DST: variants seen among roughly 807,000 people sequenced by gnomAD.
The protein encoded by DST is dystonin.
Under a neutral mutation model 875.2 loss-of-function variants are expected in DST, and 253 were observed. The observed-to-expected ratio is 0.29, with a 90% CI of 0.26 to 0.32. The LOEUF is 0.32. DST is among the 10% of genes least tolerant of loss of function. DST has a pLI of 1.00. For missense variants in DST, 8,287 were observed against 9,111.6 expected (o/e 0.91, Z 3.68); for synonymous variants, 3,124 against 3,197.1 (o/e 0.98, Z 0.77).
In DST at chr6:56,482,817, G is replaced by T; in HGVS notation, c.21268C>A (p.Arg7090=). The T allele has an allele frequency of 1.2e-6, 2 of 1,613,248 alleles. No homozygotes were observed. The highest frequency in any genetic ancestry group is 1.7e-6 in the Non-Finnish European group (2 of 1,179,518). Residue 7090 remains arginine (R), a synonymous_variant, in exon 89 of 104, where the codon CGA becomes AGA. Coordinates refer to ENST00000680361, the MANE Select transcript of DST (RefSeq NM_001374736.1). ...SSVQALKRSA[R]ELIEGSRDDS... ...TCCCGACTGCCTTCTATGAGTTCTCGGGCTGAGCGCTTCAGGGCCTGCACA... is the reference window on the plus strand; with the variant it reads ...TCCCGACTGCCTTCTATGAGTTCTCTGGCTGAGCGCTTCAGGGCCTGCACA...
intron 3 of DST, among the ~76,000 whole-genome samples, chr6:56,896,447 T>C (rs1791334647): frequency 6.6e-6 from 1 of 152,216 alleles, no homozygotes; most frequent in Non-Finnish European, 1.5e-5. Flanking sequence ...CCCACGATTC[T>C]GAGGCCTCCC....
intron 84 of DST, 88 bp from the exon 85 acceptor site, chr6:56,492,521 T>C: frequency 7.5e-7 from 1 of 1,327,910 alleles, no homozygotes; most frequent in Non-Finnish European, 1.0e-6. Context: ...CCTGAAATTA[T>C]TTTAAAGGAC....
chr6:56,720,317 CTT>C lies in DST; in HGVS notation c.687+14909_687+14910del, dbSNP rs564251424. Reference sequence around the variant, plus strand: ...GCAGTCAGAGTTTAAGGTTATCTCTCTTATTCCCTGAACAATTGCTGTTATCC... The same window carrying C: ...GCAGTCAGAGTTTAAGGTTATCTCTCATTCCCTGAACAATTGCTGTTATCC... On this transcript the variant is annotated intron_variant, in intron 5 of 103. Coordinates refer to ENST00000680361, the MANE Select transcript of DST (RefSeq NM_001374736.1). 4.8e-3 allele frequency among the ~76,000 whole-genome samples: 724 copies of C among 149,760 alleles called. 6 individuals are homozygous for C. The highest frequency in any genetic ancestry group is 0.017 in the African/African-American group (698 of 40,604).
chr6:56,855,056 A>G (rs977386220), intron 3 of DST, among the ~76,000 whole-genome samples: 7 of 152,198 alleles, frequency 4.6e-5, no homozygotes, highest in Admixed American at 1.3e-4. Context: ...CTACGTCATA[A>G]TACTTTTTAA....
In DST at chr6:56,824,960, G is replaced by A. The variant is rs538798621; in HGVS notation, c.625+26437C>T. Among the ~76,000 whole-genome samples the A allele has an allele frequency of 2.6e-5, 4 of 152,336 alleles. No individual in the cohort carries two copies. The South Asian group carries it at 6.2e-4, about 24-fold the overall frequency. On this transcript the variant is annotated intron_variant, in intron 4 of 103. Coordinates refer to ENST00000680361, the MANE Select transcript of DST (RefSeq NM_001374736.1). The stretch of plus-strand genomic sequence containing the variant: ...CCGGCCGCCCCTACTGGGAAGTGAG[G>A]AGCCCCTCTGCCCGGCCACCACCTG...
intron 5 of DST, among the ~76,000 whole-genome samples, chr6:56,732,148 T>C (rs1422240137): frequency 6.6e-6 from 1 of 152,208 alleles, no homozygotes; most frequent in Admixed American, 6.5e-5. Context: ...ATCAGCCAGA[T>C]GAAAGTGGAG....
intron 2 of DST, among the ~76,000 whole-genome samples, chr6:56,951,265 C>A (rs1247471078): frequency 3.3e-5 from 5 of 152,166 alleles, no homozygotes; most frequent in Admixed American, 2.0e-4. Context: ...AACTCATTTT[C>A]CTCCTTTGAC....
rs774549922 is a variant in DST at position 56,506,642 on chromosome 6, A to AG, written c.19362+24_19362+25insC. The AG allele has an allele frequency of 1.6e-5, 26 of 1,612,768 alleles. No individual in the cohort carries two copies. The East Asian group carries it at 5.6e-4, about 35-fold the overall frequency. On this transcript the variant is annotated intron_variant, in intron 76 of 103. Transcript: ENST00000680361. ...GTTAACTAAAAACTTTTTAAAAGCC[A>AG]TTCTGATAAGTAAGCCAGTTGTACC...
chr6:56,579,730 A>G (rs2097931257), intron 49 of DST, among the ~76,000 whole-genome samples: 1 of 152,178 alleles, frequency 6.6e-6, no homozygotes, highest in Non-Finnish European at 1.5e-5. Flanking sequence ...CCAGTTTGAC[A>G]ATGCTTATGG....
intron 2 of DST, among the ~76,000 whole-genome samples, chr6:56,940,441 T>C (rs1815887912): frequency 6.6e-6 from 1 of 152,178 alleles, no homozygotes; most frequent in South Asian, 2.1e-4. Flanking sequence ...CAAAGTAATT[T>C]CATAATAATA....
At chr6:56,790,508 T>C (rs150353583) in intron 4 of DST, among the ~76,000 whole-genome samples, 2 of 152,350 alleles carry the variant, frequency 1.3e-5, no homozygotes, top group Admixed American at 1.3e-4. Flanking sequence ...ATCAGATTTA[T>C]GTACTTTGGA....
chr6:56,486,581 T>C (rs2095576181), intron 87 of DST, among the ~76,000 whole-genome samples: 1 of 152,022 alleles, frequency 6.6e-6, no homozygotes, highest in East Asian at 1.9e-4. Flanking sequence ...AAATATGTCT[T>C]GGGTTTTCAT....
At chr6:56,820,843 T>G (rs1322366294) in intron 4 of DST, among the ~76,000 whole-genome samples, 1 of 152,228 alleles carries the variant, frequency 6.6e-6, no homozygotes, top group African/African-American at 2.4e-5. Context: ...TTAGTTATCT[T>G]TACTTCTTCT....
intron 3 of DST, among the ~76,000 whole-genome samples, chr6:56,885,763 C>A (rs998907041): frequency 2.0e-5 from 3 of 152,130 alleles, no homozygotes; most frequent in Non-Finnish European, 4.4e-5. Context: ...CCTGCTGATG[C>A]CTTGGTCTTG....
chr6:56,460,092 C>T (rs777168312), intron 103 of DST, 39 bp downstream of exon 103: 61 of 1,574,536 alleles, frequency 3.9e-5, no homozygotes, highest in Non-Finnish European at 5.1e-5. Context: ...GATGACCATG[C>T]TGCAAAAGCC....
At chr6:56,855,331 A>ATT (rs1767335180) in intron 3 of DST, among the ~76,000 whole-genome samples, 1 of 152,220 alleles carries the variant, frequency 6.6e-6, no homozygotes, top group Non-Finnish European at 1.5e-5. Flanking sequence ...CCAAACTTCT[A>ATT]AATAAAGACC....
chr6:56,953,364 T>A (rs986694581), intron 2 of DST, among the ~76,000 whole-genome samples: 3 of 152,214 alleles, frequency 2.0e-5, no homozygotes, highest in Non-Finnish European at 2.9e-5. Context: ...AACAGAAATG[T>A]AAACTTGAAA....
At chr6:56,603,522 C>T (rs758710308) in intron 41 of DST, 42 bp downstream of exon 41, 1 of 1,590,730 alleles carries the variant, frequency 6.3e-7, no homozygotes, top group South Asian at 1.1e-5. Flanking sequence ...AGTCATACAT[C>T]AGCTGACTAC....
intron 98 of DST, among the ~76,000 whole-genome samples, chr6:56,468,241 C>T (rs2094689473): frequency 6.6e-6 from 1 of 152,092 alleles, no homozygotes; most frequent in South Asian, 2.1e-4. Flanking sequence ...AAATTCTGAT[C>T]ATGATGTAGT....
Sources: allele counts gnomAD v4.1 joint callset (sites outside exome capture counted in the v4.1 genomes callset), GRCh38; gene constraint gnomAD v4.1.1; transcripts MANE v1.5; gene names NCBI Gene and HGNC (gene_info 2026-07-23, HGNC 2026-07-21).